Variants in HINT1 observed in about 807,000 individuals in gnomAD.
HINT1 encodes adenosine 5'-monophosphoramidase HINT1.
A neutral mutation model predicts 11.2 loss-of-function variants in HINT1; 12 were observed. The ratio of observed to expected loss-of-function variants is 1.07; its 90% CI spans 0.69 to 1.74. The LOEUF is 1.74. Among genes scored for constraint, HINT1 ranks in the 40% most tolerant of loss-of-function variants. HINT1 has a pLI of 0.00. For missense variants in HINT1, 150 were observed against 161.8 expected (o/e 0.93, Z 0.40); for synonymous variants, 42 against 52.6 (o/e 0.80, Z 0.87).
intron 1 of HINT1, 152 bp downstream of exon 1, chr5:131,164,943 G>T: frequency 8.6e-7 from 1 of 1,156,230 alleles, no homozygotes; most frequent in African/African-American, 1.6e-5. Flanking sequence ...CCCGGGCCCT[G>T]TCCGCTGGCT....
chr5:131,164,682 G>C (rs1281429315), intron 1 of HINT1, among the ~76,000 whole-genome samples: 1 of 152,192 alleles, frequency 6.6e-6, no homozygotes, highest in East Asian at 1.9e-4. Context: ...CGGAGATTGG[G>C]CCTGAGTCAG....
intron 2 of HINT1, chr5:131,162,100 C>T (rs910730920): frequency 6.1e-5 from 19 of 313,790 alleles, no homozygotes; most frequent in Admixed American, 1.8e-4. Flanking sequence ...CCGAGGCGGG[C>T]GGATCACGAG....
intron 1 of HINT1, among the ~76,000 whole-genome samples, chr5:131,163,881 C>CT (rs758506968): frequency 3.9e-5 from 6 of 152,192 alleles, no homozygotes; most frequent in Non-Finnish European, 7.3e-5. Context: ...CTACTGGGTA[C>CT]TCCCTACAAA....
chr5:131,160,587 G>T, intron 2 of HINT1: 1 of 427,066 alleles, frequency 2.3e-6, no homozygotes, highest in Non-Finnish European at 3.2e-6. Flanking sequence ...AGAAAAGAGG[G>T]AAGGGAGAGA....
rs111347158 is a variant in HINT1, at chr5:131,163,951, G to A, written c.111+1144C>T. 2.0e-3 allele frequency among the ~76,000 whole-genome samples: 301 copies of A among 152,182 alleles called. 1 individual carries two copies. The highest frequency in any genetic ancestry group is 6.9e-3 in the African/African-American group (287 of 41,512). The stretch of plus-strand genomic sequence containing the variant: ...ACAGTTGGACTTCGGTGGTTCAAAT[G>A]TAAATTTTTCAAGAACCATTTCTCA... On this transcript the variant is annotated intron_variant, in intron 1 of 2. Transcript: ENST00000304043.
At chr5:131,165,000 A>T in intron 1 of HINT1, 95 bp downstream of exon 1, 1 of 1,555,980 alleles carries the variant, frequency 6.4e-7, no homozygotes, top group Admixed American at 1.9e-5. Flanking sequence ...CGTCGCCGCT[A>T]CACTCGCGAC....
At chr5:131,164,909 G>C in intron 1 of HINT1, 186 bp downstream of exon 1, 2 of 723,412 alleles carry the variant, frequency 2.8e-6, no homozygotes, top group East Asian at 6.7e-5. Context: ...GCGCCGGCAC[G>C]CGCCGGCAGG....
chr5:131,162,462 T>G (rs1755279144), intron 2 of HINT1, 110 bp downstream of exon 2: 1 of 1,552,726 alleles, frequency 6.4e-7, no homozygotes, highest in Non-Finnish European at 8.7e-7. Flanking sequence ...TTTTCTGGTT[T>G]TTCCTTAGTA....
Position 131,159,226 on chromosome 5 carries a change from C to T in HINT1, c.*221G>A, listed in dbSNP as rs534143091. 2.4e-5 allele frequency: 10 copies of T among 420,324 alleles called. No individual in the cohort carries two copies. In the South Asian group the frequency reaches 4.2e-4, roughly 17 times the overall value. 26.0% of individuals were successfully genotyped at this position (420,324 alleles called of 1,614,324 possible). A position where few individuals can be genotyped will look rare whatever the true frequency, so the allele number is the denominator to read the frequency against. On this transcript the variant is annotated 3_prime_UTR_variant, in exon 3 of 3. Transcript: ENST00000304043. ...GAAACATCCAAAATTATAAACCCAC[C>T]TTCACATATTCCAACAAATATGTTT...
chr5:131,164,391 A>C (rs1445511551), intron 1 of HINT1, among the ~76,000 whole-genome samples: 1 of 152,244 alleles, frequency 6.6e-6, no homozygotes. Flanking sequence ...GCTGTTTGTA[A>C]GTCCAAAATG....
intron 2 of HINT1, 51 bp from the exon 3 acceptor site, chr5:131,159,662 C>A: frequency 6.6e-7 from 1 of 1,521,622 alleles, no homozygotes; most frequent in Admixed American, 1.9e-5. Flanking sequence ...TTACTTCTTG[C>A]CATTAAATAA....
At position 131,162,882 on chromosome 5, in the gene HINT1, G is replaced by C. The variant is rs192740970; in HGVS notation, c.112-206C>G. The stretch of plus-strand genomic sequence containing the variant: ...AGATGGAATCTCACTCTGTCACCCA[G>C]GCTGTAGTGCAATGGCATGATCTCA... On this transcript the variant is annotated intron_variant, in intron 1 of 2. Coordinates refer to ENST00000304043, the MANE Select transcript of HINT1 (RefSeq NM_005340.7). 9.2e-5 allele frequency among the ~76,000 whole-genome samples: 14 copies of C among 151,934 alleles called. No individual in the cohort carries two copies. The South Asian group carries it at 1.0e-3, about 11-fold the overall frequency.
At chr5:131,161,550 G>A (rs933563147) in intron 2 of HINT1, among the ~76,000 whole-genome samples, 31 of 150,416 alleles carry the variant, frequency 2.1e-4, no homozygotes, top group African/African-American at 5.9e-4. Context: ...AGCCGAGATC[G>A]TGCCATTGCA....
chr5:131,160,855 A>G (rs1260612248), intron 2 of HINT1: 1 of 459,460 alleles, frequency 2.2e-6, no homozygotes, highest in East Asian at 6.9e-5. Flanking sequence ...CTGTTACAGA[A>G]TAGGCTCTGT....
rs745840338 is a variant in HINT1, at chr5:131,165,217, TC to T, written c.-13del. On this transcript the variant is annotated 5_prime_UTR_variant, in exon 1 of 3. Coordinates refer to ENST00000304043, the MANE Select transcript of HINT1 (RefSeq NM_005340.7). Reference sequence around the variant, plus strand: ...ATCTCATCTGCCATCTCGGCCTCTCTCCCGCGCGGCGGCCAGAGGAGAGGCT... The same window carrying T: ...ATCTCATCTGCCATCTCGGCCTCTCTCCGCGCGGCGGCCAGAGGAGAGGCT... 12 of 1,602,884 alleles carry T rather than the reference TC, an allele frequency of 7.5e-6. No individual in the cohort carries two copies. Among genetic ancestry groups the T allele is most frequent in the Non-Finnish European group, 1.0e-5 (12 of 1,179,546 alleles).
intron 2 of HINT1, chr5:131,160,762 A>G (rs1182286403): frequency 1.3e-5 from 9 of 705,754 alleles, no homozygotes; most frequent in Non-Finnish European, 2.0e-5. Flanking sequence ...ATATGCATTC[A>G]GGAGAAACCA....
chr5:131,161,003 T>C lies in HINT1; in HGVS notation c.217-1392A>G, dbSNP rs142668047. ...ACAGACATACAATATTTTCAACTTA[T>C]GATGGGTTTATCAGCATGTAAGCCC... On this transcript the variant is annotated intron_variant, in intron 2 of 2. Coordinates refer to ENST00000304043, the MANE Select transcript of HINT1 (RefSeq NM_005340.7). The C allele has an allele frequency of 1.3e-5, 4 of 318,840 alleles. No homozygotes were observed. In the East Asian group the frequency reaches 2.6e-4, roughly 21 times the overall value. The allele number at this position is 318,840 out of a possible 1,614,324, so 19.8% of individuals were successfully genotyped here. A position where few individuals can be genotyped will look rare whatever the true frequency, so the allele number is the denominator to read the frequency against.
intron 1 of HINT1, among the ~76,000 whole-genome samples, chr5:131,164,493 G>C (rs1168875884): frequency 2.6e-5 from 4 of 152,342 alleles, no homozygotes; most frequent in Non-Finnish European, 4.4e-5. Context: ...GTAGGCCTTG[G>C]GGTGGAGATA....
chr5:131,160,930 G>A (rs1755233179), intron 2 of HINT1: 3 of 432,984 alleles, frequency 6.9e-6, no homozygotes, highest in South Asian at 4.8e-5. Context: ...AGTTAGACTA[G>A]GCTAGGCTAT....
Sources: allele counts gnomAD v4.1 joint callset (sites outside exome capture counted in the v4.1 genomes callset), GRCh38; gene constraint gnomAD v4.1.1; transcripts MANE v1.5; gene names NCBI Gene and HGNC (gene_info 2026-07-23, HGNC 2026-07-21).